Variants in SMAP1 observed in about 807,000 individuals in gnomAD.
SMAP1 encodes stromal membrane-associated protein 1.
In SMAP1, 24 loss-of-function variants were observed where a neutral mutation model predicts 58.5. The observed-to-expected ratio is 0.41, with a 90% CI of 0.30 to 0.58. SMAP1 has a LOEUF of 0.58. Ranked by LOEUF, SMAP1 falls within the 20% of genes least tolerant of loss-of-function variation. The probability of loss-of-function intolerance (pLI) is 0.29; values close to 1 mark genes in which losing one functional copy is unlikely to be tolerated. For synonymous variants in SMAP1, 216 were observed against 196.6 expected (o/e 1.10, Z -0.82); for missense variants, 563 against 566.3 (o/e 0.99, Z 0.06).
intron 8 of SMAP1, among the ~76,000 whole-genome samples, chr6:70,853,275 ATGG>A (rs1393895954): frequency 1.3e-5 from 2 of 152,120 alleles, no homozygotes; most frequent in Non-Finnish European, 2.9e-5. Context: ...AAAAGTATTA[ATGG>A]TGAAGAAATT....
At chr6:70,717,352 T>C (rs1768317298) in intron 1 of SMAP1, among the ~76,000 whole-genome samples, 1 of 152,218 alleles carries the variant, frequency 6.6e-6, no homozygotes, top group East Asian at 1.9e-4. Flanking sequence ...CAAGACACTC[T>C]TGCTCTTAGG....
chr6:70,773,490 T>C, intron 4 of SMAP1, 65 bp downstream of exon 4: 1 of 843,860 alleles, frequency 1.2e-6, no homozygotes, highest in Non-Finnish European at 1.8e-6. Context: ...TAACATGCAA[T>C]ACAGCTTAAT....
intron 4 of SMAP1, among the ~76,000 whole-genome samples, chr6:70,774,033 G>A (rs1409154083): frequency 1.3e-5 from 2 of 152,106 alleles, no homozygotes; most frequent in African/African-American, 2.4e-5. Flanking sequence ...TGCATACACA[G>A]ATACTTACCA....
At chr6:70,768,587 G>A (rs906168042) in intron 3 of SMAP1, among the ~76,000 whole-genome samples, 4 of 152,078 alleles carry the variant, frequency 2.6e-5, no homozygotes, top group Non-Finnish European at 4.4e-5. Context: ...CTGTGGGATC[G>A]GTGGTGATAT....
intron 2 of SMAP1, among the ~76,000 whole-genome samples, chr6:70,744,732 C>T (rs1176095526): frequency 1.3e-5 from 2 of 152,188 alleles, no homozygotes; most frequent in African/African-American, 4.8e-5. Context: ...GTTCTAGATC[C>T]TTGGGGAATT....
chr6:70,723,911 A>G (rs539579412), intron 1 of SMAP1, among the ~76,000 whole-genome samples: 3 of 152,160 alleles, frequency 2.0e-5, no homozygotes, highest in South Asian at 4.2e-4. Flanking sequence ...TTTTCTTTCA[A>G]AGGTTTTATT....
chr6:70,809,958 T>C (rs1231376578), intron 6 of SMAP1, among the ~76,000 whole-genome samples: 1 of 152,158 alleles, frequency 6.6e-6, no homozygotes, highest in African/African-American at 2.4e-5. Flanking sequence ...TTTATTATGG[T>C]ATAGAATGCT....
At chr6:70,704,026 A>G (rs534048547) in intron 1 of SMAP1, among the ~76,000 whole-genome samples, 6 of 152,330 alleles carry the variant, frequency 3.9e-5, no homozygotes, top group East Asian at 1.9e-4. Context: ...CGATTGGGCA[A>G]ATTTCAGCGT....
intron 1 of SMAP1, among the ~76,000 whole-genome samples, chr6:70,689,955 G>A (rs1291415895): frequency 6.6e-6 from 1 of 151,792 alleles, no homozygotes; most frequent in Non-Finnish European, 1.5e-5. Flanking sequence ...AGCTTTTTTC[G>A]TGGATTCTAT....
intron 1 of SMAP1, among the ~76,000 whole-genome samples, chr6:70,700,175 C>T (rs1333280344): frequency 1.3e-5 from 2 of 152,198 alleles, no homozygotes; most frequent in Non-Finnish European, 2.9e-5. Flanking sequence ...CTTGCTCCTT[C>T]TCTCGCCATA....
intron 2 of SMAP1, among the ~76,000 whole-genome samples, chr6:70,739,437 T>C (rs975725367): frequency 6.6e-6 from 1 of 152,190 alleles, no homozygotes; most frequent in Non-Finnish European, 1.5e-5. Flanking sequence ...TGTATAGATG[T>C]ATCAATTTTT....
chr6:70,750,935 G>C (rs948092160), intron 2 of SMAP1, among the ~76,000 whole-genome samples: 2 of 152,092 alleles, frequency 1.3e-5, no homozygotes, highest in African/African-American at 4.8e-5. Flanking sequence ...GTCAATAACA[G>C]TAGTTTAAAA....
chr6:70,856,961 A>C lies in SMAP1; in HGVS notation c.892A>C (p.Lys298Gln). The C allele has an allele frequency of 6.2e-7, 1 of 1,614,034 alleles. No individual in the cohort carries two copies. Among genetic ancestry groups the C allele is most frequent in the Admixed American group, 1.7e-5 (1 of 60,024 alleles). The stretch of plus-strand genomic sequence containing the variant: ...TACAAAATCAGAAGAAGTGGCAAAG[A>C]AACAACTTTCCAAAGACTCCATCTT... ...QTTKSEEVAK[K>Q]QLSKDSILSL... is the part of the protein sequence containing the mutation. The change falls in exon 9 of 11, where the codon AAA becomes CAA. Residue 298 changes from lysine to glutamine, a missense_variant. Physicochemically the swap from Lys to Gln is moderately conservative, Grantham distance 53. Coordinates refer to ENST00000370455, the MANE Select transcript of SMAP1 (RefSeq NM_001044305.3).
At chr6:70,769,945 C>A (rs1767198913) in intron 3 of SMAP1, among the ~76,000 whole-genome samples, 1 of 151,318 alleles carries the variant, frequency 6.6e-6, no homozygotes. Flanking sequence ...TAGGGCAGGC[C>A]TGGTGGTGAC....
intron 4 of SMAP1, among the ~76,000 whole-genome samples, chr6:70,790,856 A>G (rs1768321438): frequency 6.6e-6 from 1 of 152,198 alleles, no homozygotes; most frequent in South Asian, 2.1e-4. Context: ...TATGGCCCCA[A>G]AGATCTGTGC....
At chr6:70,687,975 A>G (rs1240052779) in intron 1 of SMAP1, among the ~76,000 whole-genome samples, 1 of 152,142 alleles carries the variant, frequency 6.6e-6, no homozygotes, top group African/African-American at 2.4e-5. Context: ...CCACCCATCC[A>G]TTCCTAACCC....
Position 70,791,694 on chromosome 6 carries a change from C to T in SMAP1, c.420C>T (p.Ser140=), listed in dbSNP as rs1329528879. The change falls in exon 5 of 11, where the codon TCC becomes TCT. Residue 140 remains serine, a synonymous_variant. Transcript: ENST00000370455. Reference sequence around the variant, plus strand: ...TTTTCACCTGTACTCCACAGATTTCCTCCTCTGATGCTCCTCTTCAGCCTT... The same window carrying T: ...TTTTCACCTGTACTCCACAGATTTCTTCCTCTGATGCTCCTCTTCAGCCTT... ...DKNAIAITNI[S]SSDAPLQPLV... 1.2e-6 allele frequency: 2 copies of T among 1,612,016 alleles called. No homozygotes were observed. Among genetic ancestry groups the T allele is most frequent in the Admixed American group, 3.3e-5 (2 of 59,848 alleles).
chr6:70,854,582 A>T (rs1771322844), intron 8 of SMAP1, among the ~76,000 whole-genome samples: 1 of 152,042 alleles, frequency 6.6e-6, no homozygotes, highest in Non-Finnish European at 1.5e-5. Context: ...AGATCACGCC[A>T]TTGCACTCCA....
chr6:70,860,185 TTA>T lies in SMAP1; in HGVS notation c.1270-11_1270-10del. 5 of 1,598,464 alleles carry T rather than the reference TTA, an allele frequency of 3.1e-6. No individual in the cohort carries two copies. Among genetic ancestry groups the T allele is most frequent in the Non-Finnish European group, 3.4e-6 (4 of 1,173,894 alleles). On this transcript the variant is annotated splice_polypyrimidine_tract_variant and intron_variant, in intron 10 of 10. Coordinates refer to ENST00000370455, the MANE Select transcript of SMAP1 (RefSeq NM_001044305.3). ...AAGTAAGCCTCTTGAACTAAGCCTT[TTA>T]TATGTTTCACAGATGAATCAGCAGA...
Sources: gnomAD v4.1 joint callset for allele counts (sites outside exome capture counted in the v4.1 genomes callset) on GRCh38, gnomAD v4.1.1 for gene constraint, MANE v1.5 for transcripts, NCBI Gene and HGNC (gene_info 2026-07-23, HGNC 2026-07-21) for gene names.